Variants in CYTH1 observed in about 807,000 individuals in gnomAD.
The protein encoded by CYTH1 is cytohesin-1.
Under a neutral mutation model 61.8 loss-of-function variants are expected in CYTH1, and 18 were observed. The observed-to-expected ratio is 0.29, with a 90% confidence interval of 0.20 to 0.43. The LOEUF (loss-of-function observed/expected upper bound fraction) is 0.43. CYTH1 is among the 20% of genes least tolerant of loss of function. CYTH1 has a pLI of 1.00. For synonymous variants in CYTH1, 174 were observed against 184.3 expected (o/e 0.94, Z 0.45); for missense variants, 336 against 510.5 (o/e 0.66, Z 3.29).
rs1383246773 is a variant in CYTH1, at chr17:78,705,021, A to AT, written c.171-2418dup. Among the ~76,000 whole-genome samples, 15 of 152,282 alleles carry AT rather than the reference A, an allele frequency of 9.9e-5. 1 individual carries two copies. In the South Asian group the frequency reaches 2.9e-3, roughly 29 times the overall value. On this transcript the variant is annotated intron_variant, in intron 3 of 13. Coordinates refer to ENST00000446868, the MANE Select transcript of CYTH1 (RefSeq NM_004762.6). ...ATTTAACTAAAATGATTGTCTAATCATTTTTTTCTAAATCCAGGAAGATTA... is the reference window on the plus strand; with the variant it reads ...ATTTAACTAAAATGATTGTCTAATCATTTTTTTTCTAAATCCAGGAAGATTA...
At chr17:78,693,591 C>T (rs1215237917) in intron 10 of CYTH1, among the ~76,000 whole-genome samples, 2 of 149,676 alleles carry the variant, frequency 1.3e-5, no homozygotes, top group Admixed American at 1.3e-4. Flanking sequence ...ACTGCACTCC[C>T]GCCTGGGTGA....
chr17:78,755,107 G>A (rs943980001), intron 1 of CYTH1, among the ~76,000 whole-genome samples: 1 of 152,028 alleles, frequency 6.6e-6, no homozygotes, highest in Non-Finnish European at 1.5e-5. Flanking sequence ...GCCATACAGT[G>A]GAACATTACT....
intron 1 of CYTH1, among the ~76,000 whole-genome samples, chr17:78,747,807 G>A (rs990907619): frequency 6.6e-6 from 1 of 152,120 alleles, no homozygotes; most frequent in Non-Finnish European, 1.5e-5. Flanking sequence ...GATGGCATCT[G>A]GTTGTTTCCA....
intron 1 of CYTH1, among the ~76,000 whole-genome samples, chr17:78,779,400 C>CAAAAAA (rs56061178): frequency 4.8e-5 from 4 of 84,166 alleles, no homozygotes; most frequent in African/African-American, 9.8e-5. Context: ...AACTCCATCT[C>CAAAAAA]AAAAAAAAAA....
At chr17:78,731,844 T>C (rs144685943) in intron 1 of CYTH1, among the ~76,000 whole-genome samples, 147 of 151,722 alleles carry the variant, frequency 9.7e-4, no homozygotes, top group African/African-American at 3.4e-3. Flanking sequence ...AAGAACACTA[T>C]AAATCCAGTA....
At chr17:78,690,243 A>C (rs1037273289) in intron 11 of CYTH1, among the ~76,000 whole-genome samples, 5 of 151,372 alleles carry the variant, frequency 3.3e-5, no homozygotes, top group African/African-American at 7.3e-5. Flanking sequence ...AAAATACAAA[A>C]AATTAGCTGG....
intron 1 of CYTH1, among the ~76,000 whole-genome samples, chr17:78,778,121 G>T (rs2093500413): frequency 6.6e-6 from 1 of 151,540 alleles, no homozygotes; most frequent in Non-Finnish European, 1.5e-5. Flanking sequence ...TGGCCAACAT[G>T]GGGAAACCCC....
At chr17:78,729,414 G>A (rs2093281974) in intron 1 of CYTH1, among the ~76,000 whole-genome samples, 1 of 152,216 alleles carries the variant, frequency 6.6e-6, no homozygotes, top group Non-Finnish European at 1.5e-5. Context: ...CAGTCACTAT[G>A]TGTTTAATGC....
chr17:78,777,243 C>T (rs966241391), intron 1 of CYTH1, among the ~76,000 whole-genome samples: 7 of 151,722 alleles, frequency 4.6e-5, no homozygotes, highest in African/African-American at 9.7e-5. Flanking sequence ...CATGGTGAAA[C>T]GCCGTCTCTA....
At chr17:78,766,080 C>T (rs1275573980) in intron 1 of CYTH1, among the ~76,000 whole-genome samples, 1 of 101,006 alleles carries the variant, frequency 9.9e-6, no homozygotes. Context: ...GAGATCCCAT[C>T]TCTACAGAAA....
rs1181779282 is a variant in CYTH1, at chr17:78,698,985, AGCAAAGGGGAGCCGTT to A, written c.551-33_551-18del. 4 of 1,607,616 alleles carry A rather than the reference AGCAAAGGGGAGCCGTT, an allele frequency of 2.5e-6. No homozygotes were observed. On this transcript the variant is annotated intron_variant, in intron 7 of 13. Coordinates refer to ENST00000446868, the MANE Select transcript of CYTH1 (RefSeq NM_004762.6). ...AACAAGTATCTAAAGATGAGAGAAA[AGCAAAGGGGAGCCGTT>A]GCATGCTCAGATGTTCAGAAACATC...
At chr17:78,778,490 C>T (rs922362102) in intron 1 of CYTH1, among the ~76,000 whole-genome samples, 3 of 150,614 alleles carry the variant, frequency 2.0e-5, no homozygotes, top group Non-Finnish European at 4.4e-5. Context: ...ACACAAAAAT[C>T]AGCCGGGTGT....
At chr17:78,781,441 A>T (rs1469250863) in intron 1 of CYTH1, among the ~76,000 whole-genome samples, 1 of 152,190 alleles carries the variant, frequency 6.6e-6, no homozygotes, top group Non-Finnish European at 1.5e-5. Context: ...CGCGGGAGCG[A>T]AGGGAGCGGG....
At chr17:78,702,381 G>A in intron 4 of CYTH1, 141 bp from the exon 5 acceptor site, 1 of 1,007,248 alleles carries the variant, frequency 9.9e-7, no homozygotes, top group Non-Finnish European at 1.5e-6. Flanking sequence ...AAGCCGGGGA[G>A]TCACAGTTTA....
chr17:78,675,266 A>G lies in CYTH1; in HGVS notation c.*825T>C, dbSNP rs1205656707. The stretch of plus-strand genomic sequence containing the variant: ...GATTCTGAAGGAGGAAAATAACGTA[A>G]GCGTCCAGTCAGCTCTCTCCTCTCC... On this transcript the variant is annotated 3_prime_UTR_variant, in exon 14 of 14. Transcript: ENST00000446868. 1 of 152,296 alleles carries G rather than the reference A, an allele frequency of 6.6e-6. No individual in the cohort carries two copies. The highest frequency in any genetic ancestry group is 2.4e-5 in the African/African-American group (1 of 41,472). 9.4% of individuals were successfully genotyped at this position (152,296 alleles called of 1,614,324 possible). A position where few individuals can be genotyped will look rare whatever the true frequency, so the allele number is the denominator to read the frequency against.
rs1204147042 is a variant in CYTH1 at position 78,760,426 on chromosome 17, CACATACATATATATATGTATATATATAT to C, written c.22+21748_22+21775del. Among the ~76,000 whole-genome samples, 40 of 54,358 alleles carry C rather than the reference CACATACATATATATATGTATATATATAT, an allele frequency of 7.4e-4. 1 individual carries two copies. The highest frequency in any genetic ancestry group is 2.8e-3 in the African/African-American group (33 of 11,944). The allele number at this position is 54,358 out of a possible 152,430, so 35.7% of individuals were successfully genotyped here. ...ATATATGTGTATATATATATATATA[CACATACATATATATATGTATATATATAT>C]ACATACATATATATATGTATATATA... On this transcript the variant is annotated intron_variant, in intron 1 of 13. Coordinates refer to ENST00000446868, the MANE Select transcript of CYTH1 (RefSeq NM_004762.6).
intron 1 of CYTH1, among the ~76,000 whole-genome samples, chr17:78,716,070 A>C (rs956216074): frequency 6.6e-6 from 1 of 152,168 alleles, no homozygotes; most frequent in Non-Finnish European, 1.5e-5. Flanking sequence ...GAAAATTGTG[A>C]TCAACTACCA....
intron 3 of CYTH1, among the ~76,000 whole-genome samples, 181 bp downstream of exon 3, chr17:78,708,016 T>C (rs936874646): frequency 2.0e-5 from 3 of 152,142 alleles, no homozygotes; most frequent in African/African-American, 7.2e-5. Context: ...GAAGCTCCTA[T>C]GTTCAGGAGG....
At chr17:78,768,412 G>A (rs2144742671) in intron 1 of CYTH1, among the ~76,000 whole-genome samples, 1 of 152,204 alleles carries the variant, frequency 6.6e-6, no homozygotes, top group Non-Finnish European at 1.5e-5. Flanking sequence ...CTATTTAAAT[G>A]GGTCTCTCAA....
Sources: allele counts gnomAD v4.1 joint callset (sites outside exome capture counted in the v4.1 genomes callset), GRCh38; gene constraint gnomAD v4.1.1; transcripts MANE v1.5; gene names NCBI Gene and HGNC (gene_info 2026-07-23, HGNC 2026-07-21).